Variants in TMEM236 observed in about 807,000 individuals in gnomAD.
TMEM236 encodes the protein family with sequence similarity 23, member A.
TMEM236 carries 11 observed loss-of-function variants against 14.7 expected under a neutral mutation model. That is an observed-to-expected ratio of 0.75 (90% CI 0.47 to 1.24). The LOEUF is 1.24. TMEM236 is among the 50% of genes most tolerant of loss of function. The pLI is 0.00. For missense variants in TMEM236, 464 were observed against 427.3 expected, an observed-to-expected ratio of 1.09 and a Z score of -0.76; for synonymous variants, 182 against 168.6, an observed-to-expected ratio of 1.08 and a Z score of -0.62.
intron 3 of TMEM236, among the ~76,000 whole-genome samples, chr10:17,791,560 C>T (rs1037768456): frequency 4.6e-5 from 7 of 152,284 alleles, no homozygotes; most frequent in African/African-American, 1.7e-4. Flanking sequence ...GTACAAAGTT[C>T]TTAATAGTCA....
chr10:17,788,474 G>A (rs1197077693), intron 3 of TMEM236, among the ~76,000 whole-genome samples: 1 of 151,602 alleles, frequency 6.6e-6, no homozygotes, highest in Non-Finnish European at 1.5e-5. Flanking sequence ...CAGTGGGCTG[G>A]GCATGGTGGC....
intron 3 of TMEM236, among the ~76,000 whole-genome samples, chr10:17,781,730 A>AACAT (rs1202084179): frequency 1.4e-5 from 2 of 141,456 alleles, no homozygotes; most frequent in Non-Finnish European, 3.0e-5. Flanking sequence ...TGGGTGATAG[A>AACAT]ACATACCTCT....
chr10:17,771,661 A>T (rs1837575198), intron 2 of TMEM236, among the ~76,000 whole-genome samples: 1 of 152,166 alleles, frequency 6.6e-6, no homozygotes, highest in Non-Finnish European at 1.5e-5. Context: ...GTGAAAGTTG[A>T]TCTATATTTG....
chr10:17,796,949 G>A lies in TMEM236; in HGVS notation c.*445G>A, dbSNP rs200050546. The A allele has an allele frequency of 1.0e-4, 19 of 184,446 alleles. No homozygotes were observed. In the East Asian group the frequency reaches 2.6e-3, roughly 25 times the overall value. The allele number at this position is 184,446 out of a possible 1,614,324, so 11.4% of individuals were successfully genotyped here. A position where few individuals can be genotyped will look rare whatever the true frequency, so the allele number is the denominator to read the frequency against. On this transcript the variant is annotated 3_prime_UTR_variant, in exon 4 of 4. Coordinates refer to ENST00000377495, the MANE Select transcript of TMEM236 (RefSeq NM_001098844.3). Reference sequence around the variant, plus strand: ...CCAAACCCTATTGTGAACTGCGTATGCAAGGGATCTAGCTTTCGCTCTTTA... The same window carrying A: ...CCAAACCCTATTGTGAACTGCGTATACAAGGGATCTAGCTTTCGCTCTTTA...
At chr10:17,771,234 C>A in intron 1 of TMEM236, 75 bp from the exon 2 acceptor site, 1 of 1,406,756 alleles carries the variant, frequency 7.1e-7, no homozygotes, top group Non-Finnish European at 1.0e-6. Flanking sequence ...ACAGGAACTG[C>A]AAAATTAGCA....
At position 17,798,750 on chromosome 10, in the gene TMEM236, T is replaced by C; in HGVS notation, c.*2246T>C. ...GGTCCCCGTTTCCACATGTAAAAGA[T>C]GAACATAATACTAGTACTACATTAA... On this transcript the variant is annotated 3_prime_UTR_variant, in exon 4 of 4. Transcript: ENST00000377495. The C allele has an allele frequency of 3.8e-6, 2 of 527,620 alleles. No individual in the cohort carries two copies. The highest frequency in any genetic ancestry group is 1.1e-4 in the East Asian group (2 of 17,788). The allele number at this position is 527,620 out of a possible 1,614,324, so 32.7% of individuals were successfully genotyped here.
In TMEM236 at chr10:17,800,521, T is replaced by C. The variant is rs1253042750; in HGVS notation, c.*4017T>C. The C allele has an allele frequency of 6.6e-6, 1 of 152,188 alleles. No homozygotes were observed. The highest frequency in any genetic ancestry group is 6.5e-5 in the Admixed American group (1 of 15,274). The allele number at this position is 152,188 out of a possible 1,614,324, so 9.4% of individuals were successfully genotyped here. A position where few individuals can be genotyped will look rare whatever the true frequency, so the allele number is the denominator to read the frequency against. ...ATGTTATCTCGTCTTGTTTTTCTTA[T>C]TAGGGCCCCATTTCACTGAATGACA... On this transcript the variant is annotated 3_prime_UTR_variant, in exon 4 of 4. Coordinates refer to ENST00000377495, the MANE Select transcript of TMEM236 (RefSeq NM_001098844.3).
chr10:17,775,079 G>T (rs921227677), intron 2 of TMEM236, among the ~76,000 whole-genome samples: 2 of 152,076 alleles, frequency 1.3e-5, no homozygotes, highest in Non-Finnish European at 2.9e-5. Flanking sequence ...GGGATTACAG[G>T]TGTGAACCAC....
intron 2 of TMEM236, among the ~76,000 whole-genome samples, chr10:17,771,887 A>G (rs1025162943): frequency 4.0e-5 from 6 of 150,432 alleles, no homozygotes; most frequent in East Asian, 1.9e-4. Context: ...GGGCAGGAAT[A>G]TCTTAGGCAG....
chr10:17,764,304 G>T (rs2131744188), intron 1 of TMEM236, among the ~76,000 whole-genome samples: 1 of 152,200 alleles, frequency 6.6e-6, no homozygotes, highest in East Asian at 1.9e-4. Flanking sequence ...CCATTCCTAG[G>T]AGGGTCCCTC....
chr10:17,764,401 G>A (rs886918648), intron 1 of TMEM236, among the ~76,000 whole-genome samples: 3 of 152,146 alleles, frequency 2.0e-5, no homozygotes, highest in Non-Finnish European at 2.9e-5. Context: ...CCATGCCCAC[G>A]TATCCTTTTC....
At chr10:17,772,770 ATTATT>A (rs1423211352) in intron 2 of TMEM236, among the ~76,000 whole-genome samples, 5 of 152,012 alleles carry the variant, frequency 3.3e-5, no homozygotes, top group Non-Finnish European at 7.4e-5. Flanking sequence ...ATTTTTATTT[ATTATT>A]TTATTTTATT....
At position 17,767,361 on chromosome 10, in the gene TMEM236, C is replaced by T. The variant is rs1011012815; in HGVS notation, c.258-3948C>T. ...CTGTGATCCCAGCTACTCAGGAGGC[C>T]GAGGCAGGAGAATCACTTGAACCTG... On this transcript the variant is annotated intron_variant, in intron 1 of 3. Coordinates refer to ENST00000377495, the MANE Select transcript of TMEM236 (RefSeq NM_001098844.3). Among the ~76,000 whole-genome samples, 78 of 151,962 alleles carry T rather than the reference C, an allele frequency of 5.1e-4. 1 individual carries two copies. Among genetic ancestry groups the T allele is most frequent in the African/African-American group, 1.7e-3 (69 of 41,450 alleles).
At chr10:17,782,353 A>G (rs1253599947) in intron 3 of TMEM236, among the ~76,000 whole-genome samples, 2 of 152,180 alleles carry the variant, frequency 1.3e-5, no homozygotes, top group African/African-American at 4.8e-5. Flanking sequence ...ACTGGATAGC[A>G]TCTTGATGTA....
chr10:17,770,765 G>C (rs1837558082), intron 1 of TMEM236, among the ~76,000 whole-genome samples: 3 of 152,134 alleles, frequency 2.0e-5, no homozygotes. Flanking sequence ...GATCATGCAA[G>C]GTTTAAGAAG....
intron 1 of TMEM236, among the ~76,000 whole-genome samples, chr10:17,762,594 T>C (rs1267518856): frequency 1.3e-5 from 1 of 74,254 alleles, no homozygotes; most frequent in Non-Finnish European, 2.2e-5. Context: ...TATATATATA[T>C]ATATATATAT....
chr10:17,752,271 T>C lies in TMEM236; in HGVS notation c.-25T>C, dbSNP rs902230106. ...CACAGTCAAAGAGGGAGTCCCAGGT[T>C]CTTGGCAGCTTGCTTTTCCTCAGGA... is the stretch of plus-strand genomic sequence containing the variant. On this transcript the variant is annotated 5_prime_UTR_variant, in exon 1 of 4. Transcript: ENST00000377495. 6 of 1,613,842 alleles carry C rather than the reference T, an allele frequency of 3.7e-6. No individual in the cohort carries two copies. In the African/African-American group the frequency reaches 8.0e-5, roughly 22 times the overall value.
intron 1 of TMEM236, among the ~76,000 whole-genome samples, chr10:17,765,892 A>T: frequency 6.6e-6 from 1 of 152,196 alleles, no homozygotes; most frequent in East Asian, 1.9e-4. Flanking sequence ...TTTCTGAAAG[A>T]TAACACATTT....
chr10:17,774,209 T>A (rs916363306), intron 2 of TMEM236, among the ~76,000 whole-genome samples: 7 of 152,044 alleles, frequency 4.6e-5, no homozygotes, highest in Non-Finnish European at 1.0e-4. Flanking sequence ...CACACCCGGC[T>A]AATGTTTGTA....
Sources: allele counts gnomAD v4.1 joint callset (sites outside exome capture counted in the v4.1 genomes callset), GRCh38; gene constraint gnomAD v4.1.1; transcripts MANE v1.5; gene names NCBI Gene and HGNC (gene_info 2026-07-23, HGNC 2026-07-21).